The following IL7R variants were observed in gnomAD, a reference collection of about 807,000 sequenced individuals.
IL7R encodes the protein interleukin 7 receptor, also known as interleukin-7 receptor subunit alpha.
IL7R carries 38 observed loss-of-function variants against 47.0 expected under a neutral mutation model. The ratio of observed to expected loss-of-function variants is 0.81; its 90% CI spans 0.62 to 1.06. IL7R has a LOEUF of 1.06. Among genes scored for constraint, IL7R ranks in the 50% least tolerant of loss-of-function variants. IL7R has a pLI of 0.00. For synonymous variants in IL7R, 221 were observed against 199.8 expected (o/e 1.11, Z -0.89); for missense variants, 633 against 534.8 (o/e 1.18, Z -1.81).
chr5:35,866,343 A>T (rs888679125), intron 2 of IL7R, among the ~76,000 whole-genome samples: 1 of 152,004 alleles, frequency 6.6e-6, no homozygotes, highest in East Asian at 1.9e-4. Context: ...TTTTTGAGGG[A>T]TATTTGTCTA....
chr5:35,874,804 C>T (rs1760164732), intron 6 of IL7R, among the ~76,000 whole-genome samples: 1 of 152,240 alleles, frequency 6.6e-6, no homozygotes. Flanking sequence ...CTTCCAGTAT[C>T]TCCTAAAGGT....
chr5:35,873,996 T>C (rs1161935915), intron 5 of IL7R, among the ~76,000 whole-genome samples: 1 of 152,188 alleles, frequency 6.6e-6, no homozygotes, highest in African/African-American at 2.4e-5. Flanking sequence ...AAGAAGCACC[T>C]TTATTGGTGT....
chr5:35,860,106 A>G (rs1759763271), intron 1 of IL7R, among the ~76,000 whole-genome samples: 1 of 152,158 alleles, frequency 6.6e-6, no homozygotes, highest in Non-Finnish European at 1.5e-5. Flanking sequence ...TTCTTCCAGC[A>G]TCCTGCTAGA....
At chr5:35,873,138 A>C in intron 4 of IL7R, 1 of 325,196 alleles carries the variant, frequency 3.1e-6, no homozygotes, top group Non-Finnish European at 5.9e-6. Context: ...TCACTAACCT[A>C]ACCTAACCTT....
At chr5:35,875,366 C>G (rs1161038592) in intron 6 of IL7R, 146 bp from the exon 7 acceptor site, 1 of 713,112 alleles carries the variant, frequency 1.4e-6, no homozygotes, top group African/African-American at 1.7e-5. Flanking sequence ...GAAAGCCAGT[C>G]TCTTGACCAT....
At position 35,876,738 on chromosome 5, in the gene IL7R, T is replaced by C; in HGVS notation, c.*252T>C. On this transcript the variant is annotated 3_prime_UTR_variant, in exon 8 of 8. Transcript: ENST00000303115. ...GTTTAAGGTGACCCAATGATTCAGCTATTTAAAAAAAAAAGAGGAAAGAAT... is the reference window on the plus strand; with the variant it reads ...GTTTAAGGTGACCCAATGATTCAGCCATTTAAAAAAAAAAGAGGAAAGAAT... The C allele has an allele frequency of 2.1e-6, 1 of 486,536 alleles. No homozygotes were observed. Among genetic ancestry groups the C allele is most frequent in the Non-Finnish European group, 3.7e-6 (1 of 272,856 alleles). 30.1% of individuals were successfully genotyped at this position (486,536 alleles called of 1,614,324 possible).
At position 35,873,461 on chromosome 5, in the gene IL7R, AC is replaced by A; in HGVS notation, c.538-18del. On this transcript the variant is annotated intron_variant, in intron 4 of 7. Coordinates refer to ENST00000303115, the MANE Select transcript of IL7R (RefSeq NM_002185.5). ...CCTCTTTTCCCATCCTAAGAATGTAACTGCACTCTACTCTCTAGCATGTGAA... is the reference window on the plus strand; with the variant it reads ...CCTCTTTTCCCATCCTAAGAATGTAATGCACTCTACTCTCTAGCATGTGAA... The A allele has an allele frequency of 2.5e-6, 4 of 1,609,960 alleles. No individual in the cohort carries two copies. Among genetic ancestry groups the A allele is most frequent in the Middle Eastern group, 1.7e-4 (1 of 6,046 alleles).
intron 6 of IL7R, 57 bp downstream of exon 6, chr5:35,874,599 C>A: frequency 7.9e-7 from 1 of 1,269,778 alleles, no homozygotes; most frequent in Non-Finnish European, 1.2e-6. Context: ...ACAGTCAGAG[C>A]TTAAGCCCCA....
chr5:35,867,409 G>A lies in IL7R; in HGVS notation c.325G>A (p.Val109Met), dbSNP rs757709286. 6.2e-7 allele frequency: 1 copy of A among 1,613,406 alleles called. No individual in the cohort carries two copies. The highest frequency in any genetic ancestry group is 8.5e-7 in the Non-Finnish European group (1 of 1,179,480). The change falls in exon 3 of 8, where the codon GTG becomes ATG. Residue 109 changes from valine (V) to methionine (M), a missense_variant. Coordinates refer to ENST00000303115, the MANE Select transcript of IL7R (RefSeq NM_002185.5). ...FLLIGKSNIC[V>M]KVGEKSLTCK... is the part of the protein sequence containing the mutation. ...ACTGATTGGAAAGAGCAATATATGTGTGAAGGTTGGAGAAAAGAGTCTAAC... is the reference window on the plus strand; with the variant it reads ...ACTGATTGGAAAGAGCAATATATGTATGAAGGTTGGAGAAAAGAGTCTAAC...
chr5:35,867,473 T>C lies in IL7R; in HGVS notation c.379+10T>C, dbSNP rs750846051. The C allele has an allele frequency of 5.0e-6, 8 of 1,610,004 alleles. No individual in the cohort carries two copies. The highest frequency in any genetic ancestry group is 5.9e-6 in the Non-Finnish European group (7 of 1,178,106). ...GACCTAACCACTATAGGTAAGAAGT[T>C]GTATATAAAAGTATGGTTGTCACTT... On this transcript the variant is annotated intron_variant, in intron 3 of 7. Coordinates refer to ENST00000303115, the MANE Select transcript of IL7R (RefSeq NM_002185.5).
intron 3 of IL7R, among the ~76,000 whole-genome samples, chr5:35,869,564 C>T (rs1760020076): frequency 6.6e-6 from 1 of 152,142 alleles, no homozygotes; most frequent in Non-Finnish European, 1.5e-5. Context: ...ATTCAGTTTC[C>T]TTATCAATAT....
rs587778405 is a variant in IL7R at position 35,873,604 on chromosome 5, G to A, written c.662G>A (p.Ser221Asn). The change falls in exon 5 of 8, where the codon AGT becomes AAT. Residue 221 changes from serine (S) to asparagine (N), a missense_variant. Transcript: ENST00000303115. ...TTTAAAGGCTTCTGGAGTGAATGGA[G>A]TCCAAGTTATTACTTCAGAACTCCA... is the stretch of plus-strand genomic sequence containing the variant. ...HYFKGFWSEW[S>N]PSYYFRTPEI... 1 of 1,613,988 alleles carries A rather than the reference G, an allele frequency of 6.2e-7. No homozygotes were observed. The highest frequency in any genetic ancestry group is 8.5e-7 in the Non-Finnish European group (1 of 1,179,850).
rs201559094 is a variant in IL7R, at chr5:35,873,558, C to T, written c.616C>T (p.Arg206Ter). 27 of 1,613,820 alleles carry T rather than the reference C, an allele frequency of 1.7e-5. No homozygotes were observed. The highest frequency in any genetic ancestry group is 6.7e-5 in the Admixed American group (4 of 60,022). Residue 206 changes from arginine to a stop codon, truncating the protein, a stop_gained, in exon 5 of 8, where the codon CGA (arginine) becomes TGA (stop). Transcript: ENST00000303115. LOFTEE classifies it high-confidence loss of function. The stretch of plus-strand genomic sequence containing the variant: ...GGCAGCAATGTATGAGATTAAAGTT[C>T]GATCCATCCCTGATCACTATTTTAA... ...QPAAMYEIKV[R>*]SIPDHYFKGF...
rs747407650 is a variant in IL7R at position 35,869,415 on chromosome 5, G to C, written c.380-1641G>C. On this transcript the variant is annotated intron_variant, in intron 3 of 7. Coordinates refer to ENST00000303115, the MANE Select transcript of IL7R (RefSeq NM_002185.5). ...TTGAGGAAAACTGTCCAGAGGGCACGAGGACCAGCCGTTGTGATATGTAAC... is the reference window on the plus strand; with the variant it reads ...TTGAGGAAAACTGTCCAGAGGGCACCAGGACCAGCCGTTGTGATATGTAAC... Among the ~76,000 whole-genome samples, 5 of 152,152 alleles carry C rather than the reference G, an allele frequency of 3.3e-5. No individual in the cohort carries two copies. In the East Asian group the frequency reaches 9.6e-4, roughly 29 times the overall value.
At chr5:35,868,458 G>T (rs934986751) in intron 3 of IL7R, among the ~76,000 whole-genome samples, 1 of 152,182 alleles carries the variant, frequency 6.6e-6, no homozygotes, top group Non-Finnish European at 1.5e-5. Context: ...CTTGTGAAAA[G>T]GCAAATGTAG....
At chr5:35,863,345 G>C (rs965396883) in intron 2 of IL7R, among the ~76,000 whole-genome samples, 1 of 152,100 alleles carries the variant, frequency 6.6e-6, no homozygotes, top group Non-Finnish European at 1.5e-5. Flanking sequence ...TGTAACAAAA[G>C]CTAGGGCACT....
intron 1 of IL7R, among the ~76,000 whole-genome samples, chr5:35,860,059 A>T (rs1759760257): frequency 6.7e-6 from 1 of 150,352 alleles, no homozygotes. Flanking sequence ...ACTTTCCAAA[A>T]GTAATAGCAA....
intron 1 of IL7R, among the ~76,000 whole-genome samples, chr5:35,859,512 T>C (rs1759746437): frequency 6.6e-6 from 1 of 152,172 alleles, no homozygotes; most frequent in East Asian, 1.9e-4. Context: ...CTTTTGCTGG[T>C]GGCAGAACTG....
Position 35,856,901 on chromosome 5 carries a change from C to T in IL7R, c.-77C>T. Reference sequence around the variant, plus strand: ...TCTAAGCTTCTCTGTCTTCCTCCCTCCCTCCCTTCCTCTTACTCTCATTCA... The same window carrying T: ...TCTAAGCTTCTCTGTCTTCCTCCCTTCCTCCCTTCCTCTTACTCTCATTCA... On this transcript the variant is annotated 5_prime_UTR_variant, in exon 1 of 8. Coordinates refer to ENST00000303115, the MANE Select transcript of IL7R (RefSeq NM_002185.5). 1.2e-6 allele frequency: 1 copy of T among 848,532 alleles called. No individual in the cohort carries two copies. The highest frequency in any genetic ancestry group is 1.3e-5 in the South Asian group (1 of 75,830). 52.6% of individuals were successfully genotyped at this position (848,532 alleles called of 1,614,324 possible). A position where few individuals can be genotyped will look rare whatever the true frequency, so the allele number is the denominator to read the frequency against.
Sources: allele counts gnomAD v4.1 joint callset (sites outside exome capture counted in the v4.1 genomes callset), GRCh38; gene constraint gnomAD v4.1.1; transcripts MANE v1.5; gene names NCBI Gene and HGNC (gene_info 2026-07-23, HGNC 2026-07-21).